CREBBP: variants seen among roughly 807,000 people sequenced by gnomAD.
CREBBP encodes CREB-binding protein.
CREBBP carries 19 observed loss-of-function variants against 265.0 expected under a neutral mutation model. That is an observed-to-expected ratio of 0.07 (90% confidence interval 0.05 to 0.11). The LOEUF is 0.11. CREBBP is among the 10% of genes least tolerant of loss of function. The pLI is 1.00. For synonymous variants in CREBBP, 1,457 were observed against 1,223.7 expected (o/e 1.19, Z -3.98); for missense variants, 2,525 against 3,219.0 (o/e 0.78, Z 5.22).
At chr16:3,828,927 G>A (rs990699499) in intron 2 of CREBBP, among the ~76,000 whole-genome samples, 2 of 152,064 alleles carry the variant, frequency 1.3e-5, no homozygotes, top group African/African-American at 4.8e-5. Flanking sequence ...CAGTACAATA[G>A]GCATGTCCTT....
chr16:3,754,067 G>C (rs2052533915), intron 19 of CREBBP, among the ~76,000 whole-genome samples: 1 of 152,116 alleles, frequency 6.6e-6, no homozygotes, highest in Admixed American at 6.6e-5. Context: ...GGAAACTGAG[G>C]CTCTTCCTGT....
intron 5 of CREBBP, among the ~76,000 whole-genome samples, chr16:3,789,131 T>G (rs2053451771): frequency 6.6e-6 from 1 of 152,100 alleles, no homozygotes; most frequent in Non-Finnish European, 1.5e-5. Flanking sequence ...GAAGTGTGCA[T>G]CAGGTAAGAC....
intron 1 of CREBBP, among the ~76,000 whole-genome samples, chr16:3,865,741 C>G (rs1281317570): frequency 6.6e-6 from 1 of 151,956 alleles, no homozygotes; most frequent in Non-Finnish European, 1.5e-5. Context: ...TGGGTTCAAG[C>G]AATTCTCCTG....
intron 2 of CREBBP, among the ~76,000 whole-genome samples, chr16:3,833,744 A>G (rs1230747269): frequency 6.6e-6 from 1 of 152,238 alleles, no homozygotes; most frequent in Admixed American, 6.5e-5. Context: ...CTAAAGTACA[A>G]CTATGAAAGT....
intron 2 of CREBBP, among the ~76,000 whole-genome samples, chr16:3,842,837 G>A (rs1249620607): frequency 1.3e-5 from 2 of 151,720 alleles, no homozygotes; most frequent in African/African-American, 2.4e-5. Context: ...GTGGTGGCGG[G>A]CGCCTGTAAT....
intron 2 of CREBBP, among the ~76,000 whole-genome samples, chr16:3,848,236 C>T (rs367839510): frequency 6.6e-6 from 1 of 151,816 alleles, no homozygotes; most frequent in East Asian, 1.9e-4. Flanking sequence ...TGGATACTGG[C>T]TGACATGAAG....
chr16:3,806,663 C>T (rs1162350727), intron 3 of CREBBP, among the ~76,000 whole-genome samples: 1 of 152,152 alleles, frequency 6.6e-6, no homozygotes, highest in African/African-American at 2.4e-5. Context: ...GTGGGTTCCA[C>T]TTCCAGAAGG....
intron 15 of CREBBP, among the ~76,000 whole-genome samples, chr16:3,768,344 A>C (rs1480420635): frequency 6.6e-6 from 1 of 151,710 alleles, no homozygotes; most frequent in Non-Finnish European, 1.5e-5. Context: ...ATGGGGTTTC[A>C]TCATGTTGGC....
At chr16:3,783,773 C>T (rs1239312057) in intron 5 of CREBBP, among the ~76,000 whole-genome samples, 1 of 152,176 alleles carries the variant, frequency 6.6e-6, no homozygotes, top group Admixed American at 6.5e-5. Context: ...GGGAAGCTGC[C>T]CCATCCAGCT....
intron 3 of CREBBP, among the ~76,000 whole-genome samples, chr16:3,807,003 G>T (rs751928968): frequency 6.6e-6 from 1 of 152,100 alleles, no homozygotes; most frequent in Non-Finnish European, 1.5e-5. Flanking sequence ...AATCTGAACC[G>T]CTGAGTGCTA....
intron 1 of CREBBP, among the ~76,000 whole-genome samples, chr16:3,876,953 G>A (rs192786238): frequency 1.1e-3 from 174 of 152,240 alleles, no homozygotes; most frequent in African/African-American, 3.3e-3. Context: ...GCTCCCCAAT[G>A]TCGGGTGCAT....
intron 13 of CREBBP, among the ~76,000 whole-genome samples, chr16:3,771,265 T>G (rs905736900): frequency 1.3e-5 from 2 of 151,996 alleles, no homozygotes; most frequent in Admixed American, 1.3e-4. Context: ...GATCGGGTTT[T>G]GCCATGTTGT....
At chr16:3,840,772 GAGA>G (rs1461304855) in intron 2 of CREBBP, 2 of 154,808 alleles carry the variant, frequency 1.3e-5, no homozygotes, top group East Asian at 3.9e-4. Flanking sequence ...TGCTTTACAG[GAGA>G]AGATTTAAGA....
chr16:3,736,126 G>A lies in CREBBP; in HGVS notation c.4638C>T (p.Pro1546=). The part of the protein sequence containing the change: ...ELPYFEGDFW[P]NVLEESIKEL... ...CCTTAATGCTCTCTTCTAACACATT[G>A]GGCCAGAAATCACCTTCAAAATAGG... The change falls in exon 28 of 31, where the codon CCC becomes CCT. Residue 1546 remains proline, a synonymous_variant. Coordinates refer to ENST00000262367, the MANE Select transcript of CREBBP (RefSeq NM_004380.3). 6.2e-7 allele frequency: 1 copy of A among 1,614,124 alleles called. No homozygotes were observed.
intron 16 of CREBBP, among the ~76,000 whole-genome samples, chr16:3,763,794 T>C (rs1299740625): frequency 3.3e-5 from 5 of 152,002 alleles, no homozygotes; most frequent in African/African-American, 7.3e-5. Context: ...TAAATTATCA[T>C]TTGCCTTTTG....
intron 5 of CREBBP, 128 bp downstream of exon 5, chr16:3,791,853 G>T: frequency 1.2e-6 from 1 of 825,326 alleles, no homozygotes; most frequent in Non-Finnish European, 2.1e-6. Context: ...TTGGGCTGCT[G>T]TCCGCCCTAC....
intron 1 of CREBBP, among the ~76,000 whole-genome samples, chr16:3,874,119 AAAG>A (rs2055353190): frequency 6.6e-6 from 1 of 152,214 alleles, no homozygotes; most frequent in East Asian, 1.9e-4. Flanking sequence ...ACAAAAAGCA[AAAG>A]AACAAAGAAA....
chr16:3,733,166 A>G (rs894795990), intron 28 of CREBBP, among the ~76,000 whole-genome samples: 7 of 151,834 alleles, frequency 4.6e-5, no homozygotes, highest in African/African-American at 1.7e-4. Context: ...ATCAAGACCA[A>G]CCTGGCTAAC....
chr16:3,749,627 G>A lies in CREBBP; in HGVS notation c.3836C>T (p.Pro1279Leu), dbSNP rs749189606. ...KKKNDTLDPE[P>L]FVDCKECGRK... Reference sequence around the variant, plus strand: ...AAAAAAGAAATAGCTATATACTTACGGTTCGGGGTCTAAGGTATCATTTTT... The same window carrying A: ...AAAAAAGAAATAGCTATATACTTACAGTTCGGGGTCTAAGGTATCATTTTT... Residue 1279 changes from proline (P) to leucine (L), a missense_variant and splice_region_variant, in exon 21 of 31, where the codon CCT becomes CTT. By Grantham distance (98) the Pro-to-Leu change is moderately conservative. Around this residue, in one of 19 missense-constraint regions of CREBBP, gnomAD observed 252 missense variants for 452.5 expected, o/e 0.56. Coordinates refer to ENST00000262367, the MANE Select transcript of CREBBP (RefSeq NM_004380.3). 17 of 1,600,380 alleles carry A rather than the reference G, an allele frequency of 1.1e-5. No individual in the cohort carries two copies. Among genetic ancestry groups the A allele is most frequent in the South Asian group, 5.5e-5 (5 of 90,514 alleles).
Sources: gnomAD v4.1 joint callset for allele counts (sites outside exome capture counted in the v4.1 genomes callset) on GRCh38, gnomAD v4.1.1 for gene constraint, gnomAD v4.1.1 regional missense constraint, MANE v1.5 for transcripts, NCBI Gene and HGNC (gene_info 2026-07-23, HGNC 2026-07-21) for gene names.